The following TDP1 variants were observed in gnomAD, a reference collection of about 807,000 sequenced individuals.
TDP1 encodes tyr-DNA phosphodiesterase 1.
In TDP1, 64 loss-of-function variants were observed where a neutral mutation model predicts 81.5. The observed-to-expected ratio is 0.79, with a 90% CI of 0.64 to 0.97. The LOEUF is 0.97. TDP1 is among the 50% of genes least tolerant of loss of function. The pLI, the probability that TDP1 is intolerant of heterozygous loss-of-function variation, is 0.00. For synonymous variants in TDP1, 256 were observed against 264.3 expected (o/e 0.97, Z 0.30); for missense variants, 723 against 743.8 (o/e 0.97, Z 0.33).
intron 15 of TDP1, among the ~76,000 whole-genome samples, chr14:90,029,859 T>C (rs1887084523): frequency 6.6e-6 from 1 of 152,194 alleles, no homozygotes; most frequent in African/African-American, 2.4e-5. Flanking sequence ...TATGTTTCCT[T>C]CTCTGTAAAA....
chr14:90,004,717 G>A (rs1190483897), intron 14 of TDP1, among the ~76,000 whole-genome samples: 6 of 152,198 alleles, frequency 3.9e-5, no homozygotes, highest in Non-Finnish European at 7.3e-5. Flanking sequence ...TAGACCTATC[G>A]TCTCTCTGCT....
At chr14:90,002,997 G>A (rs1897310856) in intron 14 of TDP1, among the ~76,000 whole-genome samples, 1 of 152,116 alleles carries the variant, frequency 6.6e-6, no homozygotes, top group African/African-American at 2.4e-5. Context: ...GAGTGCAGTG[G>A]CATGATTTCG....
chr14:90,012,693 C>T (rs973324058), intron 14 of TDP1, among the ~76,000 whole-genome samples: 9 of 152,008 alleles, frequency 5.9e-5, no homozygotes, highest in African/African-American at 2.2e-4. Context: ...CACACAGAGT[C>T]CCTACTGGGG....
rs529932972 is a variant in TDP1 at position 90,038,224 on chromosome 14, A to G, written c.1754-4846A>G. ...TTAAGTGGCTGAAACTAAACTAATAAACTGCAAATGTAGTTAATAGAAGAG... is the reference window on the plus strand; with the variant it reads ...TTAAGTGGCTGAAACTAAACTAATAGACTGCAAATGTAGTTAATAGAAGAG... On this transcript the variant is annotated intron_variant, in intron 16 of 16. Coordinates refer to ENST00000335725, the MANE Select transcript of TDP1 (RefSeq NM_018319.4). Among the ~76,000 whole-genome samples, 8 of 152,322 alleles carry G rather than the reference A, an allele frequency of 5.3e-5. No homozygotes were observed. In the South Asian group the frequency reaches 1.7e-3, roughly 32 times the overall value.
chr14:89,969,719 T>A (rs1893373853), intron 5 of TDP1, among the ~76,000 whole-genome samples: 1 of 152,202 alleles, frequency 6.6e-6, no homozygotes, highest in Non-Finnish European at 1.5e-5. Context: ...TGGAAATAGA[T>A]GTTTCTCTCT....
At chr14:89,962,878 A>G (rs1892494920) in intron 2 of TDP1, 1 of 983,828 alleles carries the variant, frequency 1.0e-6, no homozygotes, top group African/African-American at 1.7e-5. Flanking sequence ...TGTTTCAAAA[A>G]AAAAAAGGAA....
At chr14:89,964,790 A>G in intron 3 of TDP1, 1 of 386,942 alleles carries the variant, frequency 2.6e-6, no homozygotes, top group Non-Finnish European at 5.0e-6. Context: ...GGCAATTAGC[A>G]CCAAGGTATT....
chr14:89,975,098 C>T lies in TDP1; in HGVS notation c.757-683C>T, dbSNP rs551993148. Among the ~76,000 whole-genome samples, 57 of 152,244 alleles carry T rather than the reference C, an allele frequency of 3.7e-4. 1 individual carries two copies. The South Asian group carries it at 5.6e-3, about 15-fold the overall frequency. ...GTGTTTCTTTTTTTGTTTTTGGAGA[C>T]GGAGTCTCGCTCTGTCACCCAGGCT... On this transcript the variant is annotated intron_variant, in intron 6 of 16. Transcript: ENST00000335725.
intron 7 of TDP1, among the ~76,000 whole-genome samples, chr14:89,976,320 G>A (rs564602344): frequency 5.1e-4 from 77 of 151,932 alleles, no homozygotes; most frequent in Admixed American, 3.2e-3. Context: ...GGCTGATCTC[G>A]AACTCCTGGA....
intron 14 of TDP1, among the ~76,000 whole-genome samples, chr14:90,003,872 C>T (rs1268811376): frequency 2.6e-5 from 4 of 152,178 alleles, no homozygotes; most frequent in African/African-American, 9.7e-5. Flanking sequence ...ATGCAGTACT[C>T]CTTCTCTAAT....
chr14:89,983,147 G>C lies in TDP1; in HGVS notation c.885-1369G>C, dbSNP rs78193399. The C allele has an allele frequency of 9.1e-3, 4,143 of 455,958 alleles. 134 individuals carry two copies. The highest frequency in any genetic ancestry group is 0.071 in the African/African-American group (3,576 of 50,158). 28.2% of individuals were successfully genotyped at this position (455,958 alleles called of 1,614,324 possible). A position where few individuals can be genotyped will look rare whatever the true frequency, so the allele number is the denominator to read the frequency against. On this transcript the variant is annotated intron_variant, in intron 8 of 16. Transcript: ENST00000335725. ...TGTGAGTGAATCTCTGATCCAGGAG[G>C]AGCCTCACTCAGCCTGGGAACTTTG...
rs1892524268 is a variant in TDP1 at position 89,963,112 on chromosome 14, AT to A, written c.-2del. 1 of 1,614,008 alleles carries A rather than the reference AT, an allele frequency of 6.2e-7. No homozygotes were observed. Among genetic ancestry groups the A allele is most frequent in the Non-Finnish European group, 8.5e-7 (1 of 1,180,030 alleles). On this transcript the variant is annotated 5_prime_UTR_variant, in exon 3 of 17. It introduces an in-frame stop codon into an upstream open reading frame of the 5' UTR. Coordinates refer to ENST00000335725, the MANE Select transcript of TDP1 (RefSeq NM_018319.4). ...GTTTCCACTTTTCATTTCCAGGAGTATAATGTCTCAGGAAGGCGATTATGGG... is the reference window on the plus strand; with the variant it reads ...GTTTCCACTTTTCATTTCCAGGAGTAAATGTCTCAGGAAGGCGATTATGGG...
Position 89,995,485 on chromosome 14 carries a change from C to T in TDP1, c.1541+2002C>T, listed in dbSNP as rs35300685. On this transcript the variant is annotated intron_variant, in intron 14 of 16. Transcript: ENST00000335725. The stretch of plus-strand genomic sequence containing the variant: ...ATTGTGTCAGGCTTTACTTTGATTG[C>T]TGTATAAAAGAGGAAAAGGACATTG... 6.0e-3 allele frequency among the ~76,000 whole-genome samples: 909 copies of T among 152,246 alleles called. 6 individuals carry two copies. Among genetic ancestry groups the T allele is most frequent in the African/African-American group, 0.021 (872 of 41,524 alleles).
At chr14:89,965,945 A>G in intron 3 of TDP1, 1 of 851,294 alleles carries the variant, frequency 1.2e-6, no homozygotes, top group Admixed American at 6.2e-5. Context: ...TTATAAAAGA[A>G]TGTATGATAA....
intron 7 of TDP1, 104 bp downstream of exon 7, chr14:89,975,919 T>C: frequency 1.1e-6 from 1 of 889,160 alleles, no homozygotes; most frequent in East Asian, 2.4e-5. Flanking sequence ...ACCTAGGATC[T>C]AGCACAGCGA....
At chr14:89,998,390 A>ATG (rs1182510333) in intron 14 of TDP1, among the ~76,000 whole-genome samples, 1 of 85,156 alleles carries the variant, frequency 1.2e-5, no homozygotes, top group African/African-American at 6.5e-5. Flanking sequence ...ATATATATAT[A>ATG]TATATATATA....
rs137932836 is a variant in TDP1 at position 89,969,772 on chromosome 14, C to T, written c.660-1403C>T. On this transcript the variant is annotated intron_variant, in intron 5 of 16. Coordinates refer to ENST00000335725, the MANE Select transcript of TDP1 (RefSeq NM_018319.4). ...TTGTGAATGGTAGAGAATCATTCTGCAGTGTGATTGATAAATGTGGAAGTG... is the reference window on the plus strand; with the variant it reads ...TTGTGAATGGTAGAGAATCATTCTGTAGTGTGATTGATAAATGTGGAAGTG... Among the ~76,000 whole-genome samples the T allele has an allele frequency of 1.2e-3, 188 of 152,060 alleles. 1 individual carries two copies. The highest frequency in any genetic ancestry group is 4.2e-3 in the African/African-American group (176 of 41,468).
At chr14:90,042,948 G>A (rs1888506537) in intron 16 of TDP1, 122 bp from the exon 17 acceptor site, 1 of 1,560,708 alleles carries the variant, frequency 6.4e-7, no homozygotes, top group South Asian at 1.2e-5. Flanking sequence ...TCTGGGCTTG[G>A]TTCAGAAAAT....
chr14:89,957,218 T>G (rs1194960455), intron 2 of TDP1: 1 of 152,248 alleles, frequency 6.6e-6, no homozygotes, highest in Non-Finnish European at 1.5e-5. Context: ...ATGTAATGAA[T>G]GTCTAACTCA....
Sources: allele counts gnomAD v4.1 joint callset (sites outside exome capture counted in the v4.1 genomes callset), GRCh38; gene constraint gnomAD v4.1.1; transcripts MANE v1.5; gene names NCBI Gene and HGNC (gene_info 2026-07-23, HGNC 2026-07-21).